Variants in PRSS55 observed in about 807,000 individuals in gnomAD.
The protein encoded by PRSS55 is serine protease 55.
Under a neutral mutation model 23.6 loss-of-function variants are expected in PRSS55, and 41 were observed. The observed-to-expected ratio is 1.74, with a 90% CI of 1.35 to 2.26. PRSS55 has a LOEUF of 2.26. Ranked by LOEUF, PRSS55 falls within the 30% of genes most tolerant of loss-of-function variation. The pLI, the probability that PRSS55 is intolerant of heterozygous loss-of-function variation, is 0.00. For missense variants in PRSS55, 669 were observed against 439.1 expected (o/e 1.52, Z -4.68); for synonymous variants, 262 against 175.5 (o/e 1.49, Z -3.90).
rs897612238 is a variant in PRSS55, at chr8:10,529,777, T to C, written c.347+78T>C. The C allele has an allele frequency of 9.9e-6, 14 of 1,409,612 alleles. No homozygotes were observed. The African/African-American group carries it at 1.7e-4, about 17-fold the overall frequency. The allele number at this position is 1,409,612 out of a possible 1,614,324, so 87.3% of individuals were successfully genotyped here. On this transcript the variant is annotated intron_variant, in intron 2 of 4. Coordinates refer to ENST00000328655, the MANE Select transcript of PRSS55 (RefSeq NM_198464.4). ...CACCCTCCCCCTCACCCACACCTGG[T>C]GGCTGAGAGGAACCTGCGACTGCTC...
chr8:10,534,448 C>G (rs1047515151), intron 4 of PRSS55, among the ~76,000 whole-genome samples: 1 of 152,190 alleles, frequency 6.6e-6, no homozygotes, highest in South Asian at 2.1e-4. Flanking sequence ...GACATCATCT[C>G]TCCACTGAAG....
rs188522748 is a variant in PRSS55 at position 10,549,439 on chromosome 8, A to T, written c.742-4504A>T. ...TTGATGGCATTTCAGAGGGTGGATG[A>T]TGGCATCGGCATGTTGGGATGTGGG... On this transcript the variant is annotated intron_variant, in intron 4 of 4. Transcript: ENST00000522210. 9.7e-4 allele frequency among the ~76,000 whole-genome samples: 147 copies of T among 152,254 alleles called. 1 individual carries two copies. The highest frequency in any genetic ancestry group is 9.1e-3 in the Admixed American group (140 of 15,304).
chr8:10,538,738 C>A lies in PRSS55; in HGVS notation c.1004C>A (p.Ser335Tyr), dbSNP rs759392928. Residue 335 changes from serine (S) to tyrosine (Y), a missense_variant, in exon 5 of 5, where the codon TCC (serine) becomes TAC (tyrosine). Coordinates refer to ENST00000328655, the MANE Select transcript of PRSS55 (RefSeq NM_198464.4). ...GTCCCAGAGCCAGGCAGCCCCAGAT[C>A]CTGGCTCCTGCTCTGTCCCCTGTCC... ...SGVPEPGSPR[S>Y]WLLLCPLSHV... 3.0e-5 allele frequency: 49 copies of A among 1,612,350 alleles called. 2 individuals are homozygous for A. In the South Asian group the frequency reaches 5.2e-4, roughly 17 times the overall value.
intron 1 of PRSS55, among the ~76,000 whole-genome samples, chr8:10,527,550 G>C (rs1812076848): frequency 1.3e-5 from 2 of 152,242 alleles, no homozygotes; most frequent in South Asian, 2.1e-4. Context: ...ACACAGGTCA[G>C]GGAAGGCCAC....
Position 10,529,500 on chromosome 8 carries a change from C to A in PRSS55, c.155-7C>A, listed in dbSNP as rs1325173799. ...CTTTTCCTTTCCACTCTCTTTCTTT[C>A]CACCAGAATGTGGTGACAGATCTAT... On this transcript the variant is annotated splice_polypyrimidine_tract_variant and splice_region_variant and intron_variant, in intron 1 of 4. Transcript: ENST00000328655. 1.9e-6 allele frequency: 3 copies of A among 1,613,624 alleles called. No homozygotes were observed. The highest frequency in any genetic ancestry group is 1.6e-4 in the Middle Eastern group (1 of 6,078).
At chr8:10,529,029 C>G (rs1812145274) in intron 1 of PRSS55, among the ~76,000 whole-genome samples, 1 of 152,206 alleles carries the variant, frequency 6.6e-6, no homozygotes, top group Admixed American at 6.5e-5. Context: ...CATCACGTTC[C>G]CACTCTGAGG....
At chr8:10,544,066 C>A (rs542018609) in intron 4 of PRSS55, among the ~76,000 whole-genome samples, 70 of 152,258 alleles carry the variant, frequency 4.6e-4, no homozygotes, top group African/African-American at 1.7e-3. Context: ...CCAAAATCCT[C>A]TTTATCCTTG....
intron 4 of PRSS55, chr8:10,545,041 G>A: frequency 1.0e-6 from 1 of 984,312 alleles, no homozygotes; most frequent in Non-Finnish European, 1.2e-6. Context: ...CTGCACCTGT[G>A]CTTCTCAGAC....
intron 4 of PRSS55, among the ~76,000 whole-genome samples, chr8:10,535,350 G>C (rs1005593927): frequency 3.3e-5 from 5 of 152,202 alleles, no homozygotes; most frequent in Admixed American, 2.0e-4. Flanking sequence ...AAACAGCATG[G>C]TGCTGATACA....
chr8:10,526,354 A>G (rs1812022524), intron 1 of PRSS55, among the ~76,000 whole-genome samples: 1 of 152,200 alleles, frequency 6.6e-6, no homozygotes, highest in Non-Finnish European at 1.5e-5. Context: ...CCAGGGGGAA[A>G]TGATAGAGCT....
chr8:10,533,025 A>G lies in PRSS55; in HGVS notation c.718A>G (p.Asn240Asp). The change falls in exon 4 of 5, where the codon AAT becomes GAT. Residue 240 changes from asparagine to aspartate, a missense_variant. Physicochemically the swap from Asn to Asp is conservative, Grantham distance 23. Coordinates refer to ENST00000328655, the MANE Select transcript of PRSS55 (RefSeq NM_198464.4). ...AAATATGCTGTGTGCCGGATACAAG[A>G]ATGAGAGCTATGATGCCTGCAAGGT... The part of the protein sequence containing the change: ...TKNMLCAGYK[N>D]ESYDACKGDS... 3 of 1,614,194 alleles carry G rather than the reference A, an allele frequency of 1.9e-6. No homozygotes were observed. The highest frequency in any genetic ancestry group is 2.5e-6 in the Non-Finnish European group (3 of 1,180,032).
chr8:10,542,577 A>G (rs1289704761), downstream of PRSS55, among the ~76,000 whole-genome samples: 3 of 152,078 alleles, frequency 2.0e-5, no homozygotes, highest in Non-Finnish European at 4.4e-5. Flanking sequence ...ACGTCTCCTT[A>G]AAGATGACCT....
chr8:10,541,276 G>C (rs948380306), downstream of PRSS55: 2 of 152,398 alleles, frequency 1.3e-5, no homozygotes, highest in African/African-American at 4.8e-5. Context: ...CTGTGGATGA[G>C]ATTGATGTTT....
intron 4 of PRSS55, among the ~76,000 whole-genome samples, chr8:10,544,669 T>A (rs537193227): frequency 6.6e-6 from 1 of 152,356 alleles, no homozygotes; most frequent in South Asian, 2.1e-4. Context: ...CTAATTATAT[T>A]TTTGAGTTGT....
At chr8:10,536,487 C>T (rs537875588) in intron 4 of PRSS55, among the ~76,000 whole-genome samples, 8 of 152,130 alleles carry the variant, frequency 5.3e-5, no homozygotes, top group Non-Finnish European at 1.2e-4. Context: ...AACACAACTA[C>T]CATTAAACCC....
chr8:10,528,983 G>C (rs73662851), intron 1 of PRSS55, among the ~76,000 whole-genome samples: 11,516 of 152,078 alleles, frequency 0.076, 532 homozygotes, highest in Middle Eastern at 0.12. Flanking sequence ...CCTCTCAAGG[G>C]CCTCAGTGAT....
intron 1 of PRSS55, among the ~76,000 whole-genome samples, chr8:10,526,143 C>T (rs994483923): frequency 5.3e-5 from 8 of 151,970 alleles, no homozygotes; most frequent in African/African-American, 1.5e-4. Flanking sequence ...TTGTGCCCGG[C>T]CCCCCAGAGC....
At position 10,529,529 on chromosome 8, in the gene PRSS55, C is replaced by A. The variant is rs542089482; in HGVS notation, c.177C>A (p.Phe59Leu). 1 of 1,614,128 alleles carries A rather than the reference C, an allele frequency of 6.2e-7. No individual in the cohort carries two copies. The highest frequency in any genetic ancestry group is 1.3e-5 in the African/African-American group (1 of 75,042). Residue 59 changes from phenylalanine (F) to leucine (L), a missense_variant, in exon 2 of 5, where the codon TTC becomes TTA. By Grantham distance (22) the Phe-to-Leu change is conservative. Coordinates refer to ENST00000328655, the MANE Select transcript of PRSS55 (RefSeq NM_198464.4). ...CAGAATGTGGTGACAGATCTATTTT[C>A]GAGGGAAGAACTCGGTATTCCAGAA... Reference protein sequence around the residue: ...PVSECGDRSIFEGRTRYSRIT... With the variant: ...PVSECGDRSILEGRTRYSRIT...
intron 4 of PRSS55, among the ~76,000 whole-genome samples, chr8:10,550,420 G>C (rs992218689): frequency 2.0e-5 from 3 of 152,200 alleles, no homozygotes; most frequent in Non-Finnish European, 2.9e-5. Flanking sequence ...GCCTGTACTA[G>C]TCCTGGCTCT....
Sources: gnomAD v4.1 joint callset for allele counts (sites outside exome capture counted in the v4.1 genomes callset) on GRCh38, gnomAD v4.1.1 for gene constraint, MANE v1.5 for transcripts, NCBI Gene and HGNC (gene_info 2026-07-23, HGNC 2026-07-21) for gene names.